Variants in MED24 observed in about 807,000 individuals in gnomAD.
The protein encoded by MED24 is mediator of RNA polymerase II transcription subunit 24.
MED24 carries 74 observed loss-of-function variants against 118.8 expected under a neutral mutation model. The ratio of observed to expected loss-of-function variants is 0.62; its 90% CI spans 0.52 to 0.76. The LOEUF is 0.76. Among genes scored for constraint, MED24 ranks in the 30% least tolerant of loss-of-function variants. MED24 has a pLI of 0.00. For synonymous variants in MED24, 521 were observed against 523.9 expected, an observed-to-expected ratio of 0.99 and a Z score of 0.08; for missense variants, 1,041 against 1,278.9, an observed-to-expected ratio of 0.81 and a Z score of 2.84.
chr17:40,052,980 C>T (rs1474416823), intron 3 of MED24, among the ~76,000 whole-genome samples: 1 of 152,138 alleles, frequency 6.6e-6, no homozygotes. Flanking sequence ...GTTGCTCTGG[C>T]TGGAGGGCAG....
chr17:40,020,556 G>C (rs1336152436), intron 23 of MED24: 1 of 1,202,072 alleles, frequency 8.3e-7, no homozygotes, highest in African/African-American at 1.5e-5. Context: ...GGGAGGCCGA[G>C]GCAGGAGGAT....
At chr17:40,045,007 G>C (rs760242578) in intron 3 of MED24, among the ~76,000 whole-genome samples, 2 of 152,104 alleles carry the variant, frequency 1.3e-5, no homozygotes, top group Non-Finnish European at 2.9e-5. Context: ...CTATAATTTA[G>C]TATGTGTATA....
intron 3 of MED24, among the ~76,000 whole-genome samples, chr17:40,040,056 T>C (rs1449655538): frequency 8.6e-5 from 13 of 151,198 alleles, no homozygotes; most frequent in Non-Finnish European, 1.8e-4. Flanking sequence ...GTGCTGGGAT[T>C]ACAGGTGTGA....
intron 12 of MED24, among the ~76,000 whole-genome samples, chr17:40,030,122 T>C (rs1490615662): frequency 6.6e-6 from 1 of 152,050 alleles, no homozygotes; most frequent in East Asian, 1.9e-4. Context: ...AGCCTCTGCC[T>C]CCAGAGTAGC....
At position 40,027,553 on chromosome 17, in the gene MED24, G is replaced by C. The variant is rs559577485; in HGVS notation, c.1448-88C>G. 23 of 1,295,884 alleles carry C rather than the reference G, an allele frequency of 1.8e-5. 2 individuals carry two copies. Among genetic ancestry groups the C allele is most frequent in the Middle Eastern group, 1.8e-4 (1 of 5,448 alleles). The allele number at this position is 1,295,884 out of a possible 1,614,324, so 80.3% of individuals were successfully genotyped here. On this transcript the variant is annotated intron_variant, in intron 15 of 25. Coordinates refer to ENST00000394128, the MANE Select transcript of MED24 (RefSeq NM_014815.4). Reference sequence around the variant, plus strand: ...GACAGGGATCGGGATTTGCCTCTAGGAAGGTCAGGGACCAAGTGGCTCCTT... The same window carrying C: ...GACAGGGATCGGGATTTGCCTCTAGCAAGGTCAGGGACCAAGTGGCTCCTT...
intron 3 of MED24, among the ~76,000 whole-genome samples, chr17:40,045,800 CAG>C (rs1307840640): frequency 6.6e-6 from 1 of 152,104 alleles, no homozygotes; most frequent in East Asian, 1.9e-4. Context: ...TTTTTTGAGA[CAG>C]AGTCTCGCTC....
intron 3 of MED24, among the ~76,000 whole-genome samples, chr17:40,036,565 A>G (rs540268298): frequency 1.4e-4 from 22 of 151,748 alleles, no homozygotes; most frequent in African/African-American, 5.1e-4. Flanking sequence ...GTGCGTGCCT[A>G]TAATCCCAGC....
intron 3 of MED24, among the ~76,000 whole-genome samples, chr17:40,046,354 G>A (rs1469610849): frequency 2.7e-5 from 4 of 149,548 alleles, no homozygotes; most frequent in Non-Finnish European, 5.9e-5. Flanking sequence ...AAAGTTCCTG[G>A]GATTACAGGC....
In MED24 at chr17:40,022,993, G is replaced by A. The variant is rs1435917972; in HGVS notation, c.2250+138C>T. ...GTCTCTGGCCAGAGCTCCCCAAGGA[G>A]GCAACTCTGAGGCGAGGCATTCCGG... On this transcript the variant is annotated intron_variant, in intron 20 of 25. Coordinates refer to ENST00000394128, the MANE Select transcript of MED24 (RefSeq NM_014815.4). 8 of 1,370,672 alleles carry A rather than the reference G, an allele frequency of 5.8e-6. No homozygotes were observed. The Admixed American group carries it at 1.2e-4, about 21-fold the overall frequency. The allele number at this position is 1,370,672 out of a possible 1,614,324, so 84.9% of individuals were successfully genotyped here. A position where few individuals can be genotyped will look rare whatever the true frequency, so the allele number is the denominator to read the frequency against.
At chr17:40,049,455 G>T (rs1254944397) in intron 3 of MED24, among the ~76,000 whole-genome samples, 1 of 152,178 alleles carries the variant, frequency 6.6e-6, no homozygotes, top group Admixed American at 6.5e-5. Context: ...CCTTTCCCAT[G>T]TATTCCCATA....
At chr17:40,031,395 G>T in intron 11 of MED24, 143 bp downstream of exon 11, 1 of 1,195,104 alleles carries the variant, frequency 8.4e-7, no homozygotes, top group Non-Finnish European at 1.2e-6. Flanking sequence ...TGGGGACTTG[G>T]CAACTGTGGG....
chr17:40,031,357 G>T, intron 11 of MED24, 112 bp from the exon 12 acceptor site: 1 of 1,265,188 alleles, frequency 7.9e-7, no homozygotes, highest in Non-Finnish European at 1.1e-6. Context: ...GGAAAATCTG[G>T]AGTGCCTGAG....
intron 1 of MED24, 52 bp from the exon 2 acceptor site, chr17:40,053,687 G>C: frequency 1.2e-6 from 2 of 1,604,262 alleles, no homozygotes; most frequent in Non-Finnish European, 1.7e-6. Context: ...GTTCTAAGGA[G>C]AACCGGGGAA....
chr17:40,022,532 A>T (rs1206909019), intron 21 of MED24, 48 bp from the exon 22 acceptor site: 1 of 1,593,220 alleles, frequency 6.3e-7, no homozygotes, highest in East Asian at 2.3e-5. Context: ...GTGCCCCAGG[A>T]GCTTTCTGTG....
At chr17:40,032,617 G>T in intron 9 of MED24, 32 bp downstream of exon 9, 3 of 1,555,652 alleles carry the variant, frequency 1.9e-6, no homozygotes, top group Non-Finnish European at 2.7e-6. Flanking sequence ...ACCATTCCTA[G>T]ACTGGCTCTG....
intron 3 of MED24, among the ~76,000 whole-genome samples, chr17:40,044,562 A>G (rs1490713240): frequency 1.3e-5 from 2 of 150,574 alleles, no homozygotes; most frequent in African/African-American, 4.9e-5. Context: ...ATAATATGAT[A>G]TAATTATTTG....
chr17:40,043,336 A>G (rs1490567149), intron 3 of MED24, among the ~76,000 whole-genome samples: 1 of 152,048 alleles, frequency 6.6e-6, no homozygotes, highest in Non-Finnish European at 1.5e-5. Context: ...TGGCTCACCA[A>G]TTGTTGTGCT....
In MED24 at chr17:40,053,090, G is replaced by A. The variant is rs141372067; in HGVS notation, c.213+208C>T. Among the ~76,000 whole-genome samples, 1,386 of 152,060 alleles carry A rather than the reference G, an allele frequency of 9.1e-3. 18 individuals carry two copies. The highest frequency in any genetic ancestry group is 0.032 in the African/African-American group (1,326 of 41,490). The stretch of plus-strand genomic sequence containing the variant: ...GCTGGGACTACAGGGGCACCACCAC[G>A]CAGGGGTAACTCTTTGTATTTTTGG... On this transcript the variant is annotated intron_variant, in intron 3 of 25. Transcript: ENST00000394128.
At chr17:40,043,890 C>CAAAAAAAAAAAAAAAACAAAAAAA (rs35743512) in intron 3 of MED24, among the ~76,000 whole-genome samples, 3,069 of 96,250 alleles carry the variant, frequency 0.032, 192 homozygotes, top group Non-Finnish European at 0.052. Flanking sequence ...GACTCCATCT[C>CAAAAAAAAAAAAAAAACAAAAAAA]AAAAAAAAAA....
Sources: gnomAD v4.1 joint callset for allele counts (sites outside exome capture counted in the v4.1 genomes callset) on GRCh38, gnomAD v4.1.1 for gene constraint, MANE v1.5 for transcripts, NCBI Gene and HGNC (gene_info 2026-07-23, HGNC 2026-07-21) for gene names.